Variants in USP49 observed in about 807,000 individuals in gnomAD.
USP49 encodes the protein ubiquitin carboxyl-terminal hydrolase 49.
In USP49, 24 loss-of-function variants were observed where a neutral mutation model predicts 58.6. The observed-to-expected ratio is 0.41, with a 90% CI of 0.30 to 0.58. The LOEUF (loss-of-function observed/expected upper bound fraction) is 0.58. USP49 is among the 20% of genes least tolerant of loss of function. USP49 has a pLI of 0.30. For missense variants in USP49, 703 were observed against 866.1 expected (o/e 0.81, Z 2.36); for synonymous variants, 408 against 365.1 (o/e 1.12, Z -1.34).
In USP49 at chr6:41,805,862, G is replaced by A. The variant is rs201537233; in HGVS notation, c.1122C>T (p.Ala374=). The A allele has an allele frequency of 8.1e-6, 13 of 1,613,986 alleles. No individual in the cohort carries two copies. The East Asian group carries it at 2.7e-4, about 33-fold the overall frequency. Residue 374 remains alanine, a synonymous_variant, in exon 4 of 8, where the codon GCC becomes GCT. Coordinates refer to ENST00000682992, the MANE Select transcript of USP49 (RefSeq NM_001286554.2). ...GGAGCATGGCGAAGGGCGACACTAGGGCCCACTTCCCGGACCACATGACTC... is the reference window on the plus strand; with the variant it reads ...GGAGCATGGCGAAGGGCGACACTAGAGCCCACTTCCCGGACCACATGACTC... The part of the protein sequence containing the change: ...LFRVMWSGKW[A]LVSPFAMLHS...
intron 3 of USP49, among the ~76,000 whole-genome samples, chr6:41,830,677 A>T (rs1010996792): frequency 9.9e-5 from 15 of 151,900 alleles, no homozygotes; most frequent in Non-Finnish European, 2.2e-4. Flanking sequence ...AAATACAAAA[A>T]TTAGCTGGGC....
At chr6:41,890,765 G>C (rs188838059) in intron 2 of USP49, among the ~76,000 whole-genome samples, 1 of 152,002 alleles carries the variant, frequency 6.6e-6, no homozygotes, top group Admixed American at 6.6e-5. Context: ...AATTAGTGAG[G>C]GTATAAACAG....
chr6:41,852,464 A>G (rs1279081043), intron 3 of USP49, among the ~76,000 whole-genome samples: 1 of 152,254 alleles, frequency 6.6e-6, no homozygotes, highest in Non-Finnish European at 1.5e-5. Flanking sequence ...ACAATTCAAA[A>G]GGAAATTTTT....
At chr6:41,859,461 T>C (rs1283435669) in intron 3 of USP49, among the ~76,000 whole-genome samples, 2 of 152,160 alleles carry the variant, frequency 1.3e-5, no homozygotes, top group East Asian at 3.9e-4. Context: ...AAGCATACCT[T>C]CTATGTGCTC....
intron 7 of USP49, chr6:41,797,807 T>C (rs901295448): frequency 8.1e-6 from 8 of 985,830 alleles, no homozygotes; most frequent in Non-Finnish European, 9.6e-6. Context: ...CCAATACTTT[T>C]GATAATACTA....
chr6:41,846,180 G>T (rs1189168470), intron 3 of USP49, among the ~76,000 whole-genome samples: 1 of 152,086 alleles, frequency 6.6e-6, no homozygotes, highest in East Asian at 1.9e-4. Flanking sequence ...TCCAGGCATG[G>T]TAGCCTGCAC....
In USP49 at chr6:41,805,822, G is replaced by A; in HGVS notation, c.1162C>T (p.Leu388=). The part of the protein sequence containing the change: ...PFAMLHSVWS[L]IPAFRGYDQQ... Reference sequence around the variant, plus strand: ...TCGTAGCCGCGGAAGGCAGGGATCAGGCTCCACACTGAGTGGAGCATGGCG... The same window carrying A: ...TCGTAGCCGCGGAAGGCAGGGATCAAGCTCCACACTGAGTGGAGCATGGCG... Residue 388 remains leucine (L), a synonymous_variant, in exon 4 of 8, where the codon CTG becomes TTG. Transcript: ENST00000682992. The A allele has an allele frequency of 1.2e-6, 2 of 1,614,040 alleles. No individual in the cohort carries two copies. The highest frequency in any genetic ancestry group is 1.1e-5 in the South Asian group (1 of 91,082).
chr6:41,888,577 C>T (rs1010249876), intron 2 of USP49, among the ~76,000 whole-genome samples: 2 of 152,132 alleles, frequency 1.3e-5, no homozygotes, highest in Admixed American at 6.5e-5. Flanking sequence ...CTTCAGCCTC[C>T]CGAGTAGCTG....
In USP49 at chr6:41,805,994, G is replaced by A. The variant is rs1418586768; in HGVS notation, c.990C>T (p.Phe330=). The A allele has an allele frequency of 6.2e-7, 1 of 1,613,832 alleles. No individual in the cohort carries two copies. The highest frequency in any genetic ancestry group is 8.5e-7 in the Non-Finnish European group (1 of 1,180,040). Residue 330 remains phenylalanine, a synonymous_variant, in exon 4 of 8, where the codon TTC becomes TTT. Transcript: ENST00000682992. Reference sequence around the variant, plus strand: ...TAATGGAGGCCCTGCCGTTCCAGCAGAAGCCCTCCCGCTCGCATGCCTCGG... The same window carrying A: ...TAATGGAGGCCCTGCCGTTCCAGCAAAAGCCCTCCCGCTCGCATGCCTCGG... The part of the protein sequence containing the change: ...DRAEACEREG[F]CWNGRASISR...
rs1044035940 is a variant in USP49 at position 41,790,180 on chromosome 6, A to C, written c.*6353T>G. The C allele has an allele frequency of 1.3e-5, 2 of 152,198 alleles. No individual in the cohort carries two copies. The highest frequency in any genetic ancestry group is 6.5e-5 in the Admixed American group (1 of 15,272). 9.4% of individuals were successfully genotyped at this position (152,198 alleles called of 1,614,324 possible). Reference sequence around the variant, plus strand: ...GCCATTTGGTGTTGCATAGCATTTTAGTGCACCAGATGGGTTTTCCAGACA... The same window carrying C: ...GCCATTTGGTGTTGCATAGCATTTTCGTGCACCAGATGGGTTTTCCAGACA... On this transcript the variant is annotated 3_prime_UTR_variant, in exon 8 of 8. Transcript: ENST00000682992.
chr6:41,797,569 AGCTCCTTTGGAGGG>A, intron 7 of USP49: 1 of 969,356 alleles, frequency 1.0e-6, no homozygotes, highest in Non-Finnish European at 1.2e-6. Flanking sequence ...GAGGACCTAA[AGCTCCTTTGGAGGG>A]GCCCTTGCAT....
intron 2 of USP49, chr6:41,887,233 G>A (rs1774727934): frequency 6.6e-6 from 1 of 152,162 alleles, no homozygotes; most frequent in South Asian, 2.1e-4. Flanking sequence ...CCTTCCCTTG[G>A]ATAGATACAA....
chr6:41,837,261 C>T (rs996999357), intron 3 of USP49, among the ~76,000 whole-genome samples: 2 of 152,100 alleles, frequency 1.3e-5, no homozygotes, highest in South Asian at 4.1e-4. Flanking sequence ...TAAAAACAGA[C>T]ACACAGTCCA....
chr6:41,853,100 C>T lies in USP49; in HGVS notation c.-29+18464G>A, dbSNP rs145158792. ...ACTCAGGAGGCTAAGGCAGGAGAAT[C>T]GCTTGAACCCAGCAGGTGGAGGTTG... On this transcript the variant is annotated intron_variant, in intron 3 of 7. Transcript: ENST00000682992. Among the ~76,000 whole-genome samples the T allele has an allele frequency of 2.9e-3, 437 of 152,242 alleles. 2 individuals carry two copies. The highest frequency in any genetic ancestry group is 0.01 in the African/African-American group (421 of 41,536).
At chr6:41,860,912 T>C (rs975923780) in intron 3 of USP49, among the ~76,000 whole-genome samples, 10 of 151,184 alleles carry the variant, frequency 6.6e-5, no homozygotes, top group Non-Finnish European at 1.3e-4. Context: ...AGGCAGATTG[T>C]CTAGCTCAGG....
intron 3 of USP49, among the ~76,000 whole-genome samples, chr6:41,851,900 G>C (rs375128932): frequency 8.7e-5 from 12 of 138,152 alleles, no homozygotes; most frequent in African/African-American, 3.4e-4. Context: ...GCTGCAGTGA[G>C]CTGAGATCGC....
rs547960015 is a variant in USP49 at position 41,850,143 on chromosome 6, T to C, written c.-29+21421A>G. Among the ~76,000 whole-genome samples, 10 of 152,100 alleles carry C rather than the reference T, an allele frequency of 6.6e-5. No individual in the cohort carries two copies. The South Asian group carries it at 1.7e-3, about 25-fold the overall frequency. The stretch of plus-strand genomic sequence containing the variant: ...GTCAATTTATGGTTGTAAAAGCATA[T>C]ATTAAAAAAGAAGAAAGGTCCAGGT... On this transcript the variant is annotated intron_variant, in intron 3 of 7. Transcript: ENST00000682992.
At chr6:41,892,922 G>GA (rs1488729502) in intron 1 of USP49, among the ~76,000 whole-genome samples, 2 of 152,030 alleles carry the variant, frequency 1.3e-5, no homozygotes, top group East Asian at 1.9e-4. Context: ...AAAAGCTTCT[G>GA]AAAAAAATCA....
intron 3 of USP49, among the ~76,000 whole-genome samples, chr6:41,839,404 C>CA (rs538220746): frequency 0.087 from 1,932 of 22,244 alleles, 661 homozygotes; most frequent in Non-Finnish European, 0.12. Flanking sequence ...GGCCTTGTCT[C>CA]AAAAAAAAAA....
Sources: gnomAD v4.1 joint callset for allele counts (sites outside exome capture counted in the v4.1 genomes callset) on GRCh38, gnomAD v4.1.1 for gene constraint, MANE v1.5 for transcripts, NCBI Gene and HGNC (gene_info 2026-07-23, HGNC 2026-07-21) for gene names.